The following STIP1 variants were observed in gnomAD, a reference collection of about 807,000 sequenced individuals.
STIP1 encodes stress induced phosphoprotein 1, also known as stress-induced-phosphoprotein 1.
STIP1 carries 16 observed loss-of-function variants against 77.4 expected under a neutral mutation model. The observed-to-expected ratio is 0.21, with a 90% CI of 0.14 to 0.31. STIP1 has a LOEUF of 0.31. Ranked by LOEUF, STIP1 falls within the 10% of genes least tolerant of loss-of-function variation. The probability of loss-of-function intolerance (pLI) is 1.00; values close to 1 mark genes in which losing one functional copy is unlikely to be tolerated. For synonymous variants in STIP1, 258 were observed against 246.6 expected (o/e 1.05, Z -0.44); for missense variants, 524 against 684.8 (o/e 0.77, Z 2.62).
intron 1 of STIP1, among the ~76,000 whole-genome samples, chr11:64,188,669 C>A (rs117679019): frequency 8.1e-4 from 124 of 152,318 alleles, no homozygotes; most frequent in Admixed American, 1.4e-3. Context: ...AGGCGTGAGT[C>A]ACCTTGCCTG....
chr11:64,188,106 G>A (rs1449309407), intron 1 of STIP1, among the ~76,000 whole-genome samples: 1 of 151,438 alleles, frequency 6.6e-6, no homozygotes, highest in Non-Finnish European at 1.5e-5. Flanking sequence ...TAGCACTTTG[G>A]GAGGCCAAGG....
At position 64,197,859 on chromosome 11, in the gene STIP1, A is replaced by T; in HGVS notation, c.908A>T (p.Tyr303Phe). ...TGTCCCTCTTTCTTTATCAGAGCAT[A>T]TGCTCGAATTGGCAACTCCTACTTC... is the stretch of plus-strand genomic sequence containing the variant. The part of the protein sequence containing the change: ...REDYRQIAKA[Y>F]ARIGNSYFKE... The change falls in exon 8 of 14, where the codon TAT becomes TTT. Residue 303 changes from tyrosine (Y) to phenylalanine (F), a missense_variant. Physicochemically the swap from Tyr to Phe is conservative, Grantham distance 22. Transcript: ENST00000305218. 6.2e-7 allele frequency: 1 copy of T among 1,611,860 alleles called. No individual in the cohort carries two copies. The highest frequency in any genetic ancestry group is 8.5e-7 in the Non-Finnish European group (1 of 1,179,760).
At chr11:64,193,498 C>G in intron 2 of STIP1, 1 of 574,682 alleles carries the variant, frequency 1.7e-6, no homozygotes, top group African/African-American at 1.9e-5. Context: ...AAGGAAGAGG[C>G]CAGGGCTGGG....
intron 4 of STIP1, 95 bp from the exon 5 acceptor site, chr11:64,195,550 A>T: frequency 7.7e-7 from 1 of 1,295,256 alleles, no homozygotes. Context: ...GCTTCTAAAC[A>T]CAAGAATCTG....
chr11:64,200,590 C>CGTGTGTGTGTGT (rs35484605), intron 10 of STIP1, among the ~76,000 whole-genome samples: 2 of 141,208 alleles, frequency 1.4e-5, no homozygotes, highest in African/African-American at 2.7e-5. Flanking sequence ...TCTAACTGGT[C>CGTGTGTGTGTGT]GTGTGTGTGT....
Position 64,204,230 on chromosome 11 carries a change from ATC to A in STIP1, c.*110_*111del, listed in dbSNP as rs988307388. 4.4e-6 allele frequency: 5 copies of A among 1,126,480 alleles called. No individual in the cohort carries two copies. The Middle Eastern group carries it at 7.1e-4, about 160-fold the overall frequency. 69.8% of individuals were successfully genotyped at this position (1,126,480 alleles called of 1,614,324 possible). On this transcript the variant is annotated 3_prime_UTR_variant, in exon 14 of 14. Transcript: ENST00000305218. ...GGGAGAGCAGGGGAGAGAAGGCCTC[ATC>A]TCTCTATATTTATACATAACCCCGG... is the stretch of plus-strand genomic sequence containing the variant.
chr11:64,185,639 G>C (rs780868998), upstream of STIP1: 36 of 754,892 alleles, frequency 4.8e-5, no homozygotes, highest in Non-Finnish European at 7.0e-5. Flanking sequence ...GAGAGGGAAA[G>C]CAACCCAGAG....
intron 2 of STIP1, among the ~76,000 whole-genome samples, 167 bp from the exon 3 acceptor site, chr11:64,194,022 C>G (rs1565279645): frequency 6.6e-6 from 1 of 152,348 alleles, no homozygotes; most frequent in Middle Eastern, 3.4e-3. Flanking sequence ...TGGATCCTTA[C>G]AGTAGCAGCC....
chr11:64,203,086 C>T (rs374507081), intron 11 of STIP1, 39 bp from the exon 12 acceptor site: 13 of 1,608,506 alleles, frequency 8.1e-6, no homozygotes, highest in East Asian at 2.2e-5. Flanking sequence ...CAGCCTTGGG[C>T]GCTGCGGTTG....
intron 1 of STIP1, among the ~76,000 whole-genome samples, chr11:64,188,174 C>G (rs1332333990): frequency 6.6e-6 from 1 of 151,946 alleles, no homozygotes; most frequent in Non-Finnish European, 1.5e-5. Flanking sequence ...TGGTGAAACC[C>G]CCTCTCTACT....
chr11:64,195,843 C>T (rs772301236), intron 5 of STIP1, 30 bp downstream of exon 5: 49 of 1,613,524 alleles, frequency 3.0e-5, no homozygotes, highest in Non-Finnish European at 4.1e-5. Context: ...TCACTGTCAC[C>T]TATCTATAAA....
At position 64,194,342 on chromosome 11, in the gene STIP1, G is replaced by A. The variant is rs191705760; in HGVS notation, c.361+12G>A. On this transcript the variant is annotated intron_variant, in intron 3 of 13. Coordinates refer to ENST00000305218, the MANE Select transcript of STIP1 (RefSeq NM_006819.3). ...GGCCAGGTTGGCAGGTAGGTACCAC[G>A]CACAGTTTTCTTTCTTATTATTAAT... 2 of 1,612,418 alleles carry A rather than the reference G, an allele frequency of 1.2e-6. No homozygotes were observed. The highest frequency in any genetic ancestry group is 2.2e-5 in the East Asian group (1 of 44,888).
chr11:64,193,609 C>T (rs967988013), intron 2 of STIP1, among the ~76,000 whole-genome samples: 3 of 152,148 alleles, frequency 2.0e-5, no homozygotes, highest in African/African-American at 7.2e-5. Flanking sequence ...CATGGTGAAA[C>T]CCTGTCTGTA....
chr11:64,187,673 G>T (rs1565276791), intron 1 of STIP1, among the ~76,000 whole-genome samples: 1 of 152,208 alleles, frequency 6.6e-6, no homozygotes, highest in Non-Finnish European at 1.5e-5. Context: ...GTGAGGAAAA[G>T]ATTTCTGGAA....
In STIP1 at chr11:64,200,063, G is replaced by A. The variant is rs59419504; in HGVS notation, c.1120+27G>A. On this transcript the variant is annotated intron_variant, in intron 9 of 13. Transcript: ENST00000305218. ...TACTGCCTGCAGCTGGGGGATTGGG[G>A]GAGCAGTGCTGGGTGTGCCTCCCGT... The A allele has an allele frequency of 5.3e-4, 859 of 1,614,160 alleles. 8 individuals are homozygous for A. The East Asian group carries it at 0.015, about 28-fold the overall frequency.
At chr11:64,185,517 G>A (rs1945999371), upstream of STIP1, 1 of 396,890 alleles carries the variant, frequency 2.5e-6, no homozygotes, top group Non-Finnish European at 4.6e-6. Context: ...GCGCTCGAGG[G>A]ACAGGCAGCT....
At chr11:64,200,430 C>A in intron 10 of STIP1, 137 bp downstream of exon 10, 1 of 1,365,244 alleles carries the variant, frequency 7.3e-7, no homozygotes, top group Non-Finnish European at 9.9e-7. Flanking sequence ...CTGCCTCAGC[C>A]TCCTGAGGAG....
At chr11:64,201,453 A>G (rs1206158133) in intron 10 of STIP1, among the ~76,000 whole-genome samples, 1 of 152,218 alleles carries the variant, frequency 6.6e-6, no homozygotes, top group Non-Finnish European at 1.5e-5. Flanking sequence ...ATATCAAGTT[A>G]GGTCAAATAC....
In STIP1 at chr11:64,188,384, A is replaced by C. The variant is rs553168842; in HGVS notation, c.9+2114A>C. ...AGAAAAGAAACGATTTCTGTTACCA[A>C]ATTTATTTTGTATTTTTTTTAGAGA... On this transcript the variant is annotated intron_variant, in intron 1 of 13. Coordinates refer to ENST00000305218, the MANE Select transcript of STIP1 (RefSeq NM_006819.3). Among the ~76,000 whole-genome samples, 5 of 151,988 alleles carry C rather than the reference A, an allele frequency of 3.3e-5. No individual in the cohort carries two copies. In the East Asian group the frequency reaches 7.7e-4, roughly 23 times the overall value.
Sources: allele counts gnomAD v4.1 joint callset (sites outside exome capture counted in the v4.1 genomes callset), GRCh38; gene constraint gnomAD v4.1.1; transcripts MANE v1.5; gene names NCBI Gene and HGNC (gene_info 2026-07-23, HGNC 2026-07-21).